The following WIPF2 variants were observed in gnomAD, a reference collection of about 807,000 sequenced individuals.
The protein encoded by WIPF2 is WAS/WASL-interacting protein family member 2.
A neutral mutation model predicts 38.8 loss-of-function variants in WIPF2; 23 were observed. That is an observed-to-expected ratio of 0.59 (90% confidence interval 0.43 to 0.84). The LOEUF is 0.84. WIPF2 is among the 40% of genes least tolerant of loss of function. The pLI, the probability that WIPF2 is intolerant of heterozygous loss-of-function variation, is 0.00. For missense variants in WIPF2, 574 were observed against 580.5 expected, an observed-to-expected ratio of 0.99 and a Z score of 0.11; for synonymous variants, 210 against 223.2, an observed-to-expected ratio of 0.94 and a Z score of 0.53.
intron 3 of WIPF2, 42 bp from the exon 4 acceptor site, chr17:40,262,483 T>G: frequency 4.6e-6 from 7 of 1,520,856 alleles, no homozygotes; most frequent in South Asian, 1.1e-5. Flanking sequence ...GGTCACCAGC[T>G]GAGAGCATGT....
chr17:40,277,020 G>T, intron 6 of WIPF2, 63 bp from the exon 7 acceptor site: 1 of 1,419,632 alleles, frequency 7.0e-7, no homozygotes, highest in Non-Finnish European at 9.8e-7. Flanking sequence ...GGGTCGAAGC[G>T]ATCAGAGGCC....
At chr17:40,261,730 A>C (rs1357890851) in intron 3 of WIPF2, among the ~76,000 whole-genome samples, 3 of 137,758 alleles carry the variant, frequency 2.2e-5, no homozygotes, top group African/African-American at 5.6e-5. Flanking sequence ...TCTGTCACCC[A>C]GGCTGGAGTG....
chr17:40,254,964 A>G (rs2031672649), intron 1 of WIPF2, among the ~76,000 whole-genome samples: 2 of 152,078 alleles, frequency 1.3e-5, no homozygotes, highest in Admixed American at 6.6e-5. Flanking sequence ...TCCTGACCTC[A>G]GGTGATTCAC....
At chr17:40,264,298 C>T (rs912414184) in intron 4 of WIPF2, among the ~76,000 whole-genome samples, 192 bp from the exon 5 acceptor site, 3 of 134,452 alleles carry the variant, frequency 2.2e-5, no homozygotes, top group African/African-American at 8.8e-5. Context: ...TGCACTCCAG[C>T]CTAGGCAACA....
intron 5 of WIPF2, among the ~76,000 whole-genome samples, chr17:40,272,525 G>A (rs191383024): frequency 1.8e-4 from 28 of 152,276 alleles, no homozygotes; most frequent in Admixed American, 1.4e-3. Context: ...TTTGAAAATC[G>A]CTCATTGATA....
chr17:40,252,257 G>A (rs781433916), intron 1 of WIPF2, among the ~76,000 whole-genome samples: 14 of 152,278 alleles, frequency 9.2e-5, no homozygotes, highest in East Asian at 1.9e-4. Flanking sequence ...TCACCTTGTA[G>A]CACGGAGATT....
At chr17:40,243,572 G>A (rs968490923) in intron 1 of WIPF2, among the ~76,000 whole-genome samples, 1 of 151,630 alleles carries the variant, frequency 6.6e-6, no homozygotes, top group Non-Finnish European at 1.5e-5. Context: ...GGAGTGCAAT[G>A]GTGCCATCTC....
At chr17:40,243,337 A>G (rs1598477473) in intron 1 of WIPF2, among the ~76,000 whole-genome samples, 1 of 152,124 alleles carries the variant, frequency 6.6e-6, no homozygotes, top group Admixed American at 6.6e-5. Context: ...CTGGGGGAAG[A>G]GGAAAGAGTC....
At chr17:40,238,894 A>G (rs1472332596) in intron 1 of WIPF2, among the ~76,000 whole-genome samples, 1 of 151,766 alleles carries the variant, frequency 6.6e-6, no homozygotes, top group Admixed American at 6.6e-5. Flanking sequence ...TACAGACGTG[A>G]GCCACCGTGC....
intron 3 of WIPF2, 66 bp downstream of exon 3, chr17:40,260,733 G>A: frequency 1.2e-6 from 2 of 1,609,654 alleles, no homozygotes; most frequent in Non-Finnish European, 1.7e-6. Context: ...GACTTGGCTG[G>A]GTTCTTATTT....
chr17:40,256,578 T>G, intron 2 of WIPF2, 56 bp downstream of exon 2: 2 of 1,534,786 alleles, frequency 1.3e-6, no homozygotes, highest in East Asian at 2.5e-5. Context: ...AGGTTGATGG[T>G]CCTCACATAC....
intron 4 of WIPF2, among the ~76,000 whole-genome samples, 163 bp from the exon 5 acceptor site, chr17:40,264,326 CA>C (rs772320240): frequency 0.091 from 2,163 of 23,874 alleles, 27 homozygotes; most frequent in Non-Finnish European, 0.14. Flanking sequence ...AACTTCGTCT[CA>C]AAAAAAAAAA....
chr17:40,226,344 C>T (rs2145276408), intron 1 of WIPF2, among the ~76,000 whole-genome samples: 1 of 151,996 alleles, frequency 6.6e-6, no homozygotes, highest in East Asian at 1.9e-4. Context: ...GCTGGGATTA[C>T]AGGCGCACAC....
At chr17:40,257,179 A>G (rs1356812373) in intron 2 of WIPF2, among the ~76,000 whole-genome samples, 1 of 151,886 alleles carries the variant, frequency 6.6e-6, no homozygotes, top group Non-Finnish European at 1.5e-5. Flanking sequence ...GGGTTTCACC[A>G]TGTTGGCCAG....
At chr17:40,228,635 CTT>C (rs920194370) in intron 1 of WIPF2, among the ~76,000 whole-genome samples, 1 of 144,882 alleles carries the variant, frequency 6.9e-6, no homozygotes, top group Non-Finnish European at 1.5e-5. Flanking sequence ...TTTTCTTGGT[CTT>C]TTTTTTTTTG....
intron 1 of WIPF2, among the ~76,000 whole-genome samples, chr17:40,245,329 A>G (rs954993895): frequency 1.3e-5 from 2 of 151,828 alleles, no homozygotes; most frequent in African/African-American, 4.8e-5. Context: ...ATTGTTGACA[A>G]TGTAGACCAG....
chr17:40,240,582 G>A (rs2031154031), intron 1 of WIPF2, among the ~76,000 whole-genome samples: 1 of 149,974 alleles, frequency 6.7e-6, no homozygotes, highest in Non-Finnish European at 1.5e-5. Flanking sequence ...CCAAAACTTT[G>A]TTGACATCTC....
At chr17:40,267,481 G>A (rs1301978604) in intron 5 of WIPF2, among the ~76,000 whole-genome samples, 1 of 152,172 alleles carries the variant, frequency 6.6e-6, no homozygotes, top group Non-Finnish European at 1.5e-5. Flanking sequence ...CCATATCGTT[G>A]TATCATTAGA....
At chr17:40,236,362 A>G (rs907025688) in intron 1 of WIPF2, among the ~76,000 whole-genome samples, 3 of 151,180 alleles carry the variant, frequency 2.0e-5, no homozygotes, top group African/African-American at 7.3e-5. Context: ...CTTTTGAGAC[A>G]GAGAATTGCT....
Sources: allele counts gnomAD v4.1 joint callset (sites outside exome capture counted in the v4.1 genomes callset), GRCh38; gene constraint gnomAD v4.1.1; transcripts MANE v1.5; gene names NCBI Gene and HGNC (gene_info 2026-07-23, HGNC 2026-07-21).